GLRA2: variants seen among roughly 807,000 people sequenced by gnomAD.
The protein encoded by GLRA2 is glycine receptor subunit alpha-2.
In GLRA2, 11 loss-of-function variants were observed where a neutral mutation model predicts 31.6. The ratio of observed to expected loss-of-function variants is 0.35; its 90% CI spans 0.22 to 0.58. The LOEUF is 0.58. GLRA2 is among the 20% of genes least tolerant of loss of function. The pLI, the probability that GLRA2 is intolerant of heterozygous loss-of-function variation, is 0.84. For missense variants in GLRA2, 212 were observed against 351.8 expected, an observed-to-expected ratio of 0.60 and a Z score of 3.18; for synonymous variants, 132 against 134.0, an observed-to-expected ratio of 0.99 and a Z score of 0.10.
chrX:14,594,135 C>T lies in GLRA2; in HGVS notation c.495-10180C>T, dbSNP rs973453668. The stretch of plus-strand genomic sequence containing the variant: ...GTTACCACAGTGGAAGTCTTTTTAA[C>T]GCAGCAAAATATCAGCCAGGTAACA... On this transcript the variant is annotated intron_variant, in intron 4 of 8. Coordinates refer to ENST00000218075, the MANE Select transcript of GLRA2 (RefSeq NM_002063.4). Among the ~76,000 whole-genome samples the T allele has an allele frequency of 3.6e-5, 4 of 111,901 alleles. No individual in the cohort carries two copies. In the East Asian group the frequency reaches 8.4e-4, roughly 24 times the overall value.
chrX:14,604,850 A>G (rs1193030446), intron 5 of GLRA2, among the ~76,000 whole-genome samples: 1 of 110,527 alleles, frequency 9.0e-6, no homozygotes, highest in African/African-American at 3.3e-5. Context: ...GCAGGAAGGG[A>G]TAATTGCTTT....
chrX:14,711,272 G>C (rs1416402683), intron 8 of GLRA2, among the ~76,000 whole-genome samples: 1 of 112,293 alleles, frequency 8.9e-6, no homozygotes, highest in Non-Finnish European at 1.9e-5. Flanking sequence ...TTCTCAATCT[G>C]TCCTGTTTGT....
At chrX:14,482,002 C>A in the GLRA2 span, among the ~76,000 whole-genome samples, 2 of 111,444 alleles carry the variant, frequency 1.8e-5, no homozygotes, top group Non-Finnish European at 3.8e-5. Flanking sequence ...CACACAAAAG[C>A]AAGTAGGGCT....
rs192298972 is a variant in GLRA2, at chrX:14,663,514, A to G, written c.931-27196A>G. ...AATCATGCCAAAATTACTAGAAAAG[A>G]TTACACACACACACACACACACACA... On this transcript the variant is annotated intron_variant, in intron 7 of 8. Coordinates refer to ENST00000218075, the MANE Select transcript of GLRA2 (RefSeq NM_002063.4). 4.3e-3 allele frequency among the ~76,000 whole-genome samples: 413 copies of G among 96,206 alleles called. 1 individual carries two copies. The highest frequency in any genetic ancestry group is 0.014 in the African/African-American group (386 of 27,033). 83.5% of individuals were successfully genotyped at this position (96,206 alleles called of 115,157 possible). A position where few individuals can be genotyped will look rare whatever the true frequency, so the allele number is the denominator to read the frequency against.
At chrX:14,704,627 G>A (rs2147218208) in intron 8 of GLRA2, among the ~76,000 whole-genome samples, 1 of 111,926 alleles carries the variant, frequency 8.9e-6, no homozygotes, top group South Asian at 3.7e-4. Flanking sequence ...TGATTGATGA[G>A]GCAGCATCAG....
chrX:14,714,343 C>A (rs2091754117), intron 8 of GLRA2, among the ~76,000 whole-genome samples: 2 of 111,246 alleles, frequency 1.8e-5, no homozygotes, highest in Non-Finnish European at 3.8e-5. Flanking sequence ...GCCATGTAGG[C>A]TGCTAAACAT....
chrX:14,505,971 C>A, the GLRA2 span, among the ~76,000 whole-genome samples: 1 of 111,199 alleles, frequency 9.0e-6, no homozygotes, highest in Non-Finnish European at 1.9e-5. Context: ...ATGCCTTGGC[C>A]ATCTGCAACA....
chrX:14,537,424 T>C (rs760573788), intron 2 of GLRA2, among the ~76,000 whole-genome samples: 1 of 110,924 alleles, frequency 9.0e-6, no homozygotes, highest in African/African-American at 3.3e-5. Flanking sequence ...TCTAGAGAGG[T>C]AAAGCTCAAG....
chrX:14,652,659 C>T (rs1054398739), intron 7 of GLRA2, among the ~76,000 whole-genome samples: 7 of 111,007 alleles, frequency 6.3e-5, no homozygotes, highest in Non-Finnish European at 1.1e-4. Flanking sequence ...GAACCATGCC[C>T]ATATAAGATG....
chrX:14,658,448 T>C (rs2090960714), intron 7 of GLRA2, among the ~76,000 whole-genome samples: 1 of 111,752 alleles, frequency 8.9e-6, no homozygotes, highest in Non-Finnish European at 1.9e-5. Context: ...TGATAATCTT[T>C]CTCTCCCTTT....
chrX:14,457,264 C>T, the GLRA2 span, among the ~76,000 whole-genome samples: 1 of 111,626 alleles, frequency 9.0e-6, no homozygotes, highest in African/African-American at 3.3e-5. Context: ...AGTTTTGTTA[C>T]ACAGGCATAC....
rs1004209130 is a variant in GLRA2, at chrX:14,682,595, C to T, written c.931-8115C>T. Among the ~76,000 whole-genome samples the T allele has an allele frequency of 2.7e-5, 3 of 110,033 alleles. No individual in the cohort carries two copies. The Admixed American group carries it at 2.9e-4, about 11-fold the overall frequency. The stretch of plus-strand genomic sequence containing the variant: ...CTTTAAGTTCTAGGGTACATGTGCA[C>T]AACGTGCAGGTTTGTTACATATGTA... On this transcript the variant is annotated intron_variant, in intron 7 of 8. Transcript: ENST00000218075.
At chrX:14,492,177 TAACTC>T in the GLRA2 span, among the ~76,000 whole-genome samples, 2 of 111,119 alleles carry the variant, frequency 1.8e-5, no homozygotes, top group East Asian at 5.7e-4. Flanking sequence ...GATTTTCAAT[TAACTC>T]AGACAAGTTT....
chrX:14,478,464 A>C, the GLRA2 span, among the ~76,000 whole-genome samples: 5 of 112,089 alleles, frequency 4.5e-5, no homozygotes. Flanking sequence ...CTAGATGAAA[A>C]GTCTTATACA....
intron 7 of GLRA2, among the ~76,000 whole-genome samples, chrX:14,681,488 T>C (rs1020160978): frequency 9.0e-6 from 1 of 111,306 alleles, no homozygotes; most frequent in East Asian, 2.8e-4. Flanking sequence ...CTATGCACTA[T>C]TTGCTAGGTC....
chrX:14,523,805 C>A, the GLRA2 span, among the ~76,000 whole-genome samples: 1 of 111,405 alleles, frequency 9.0e-6, no homozygotes, highest in African/African-American at 3.3e-5. Context: ...CAAACAATTA[C>A]AGTAGTAACA....
chrX:14,495,868 C>T, the GLRA2 span, among the ~76,000 whole-genome samples: 8 of 110,502 alleles, frequency 7.2e-5, no homozygotes, highest in East Asian at 2.0e-3. Flanking sequence ...ACCTCAGGGA[C>T]TTTATGACCA....
chrX:14,682,349 T>C (rs1441481088), intron 7 of GLRA2, among the ~76,000 whole-genome samples: 2 of 111,003 alleles, frequency 1.8e-5, no homozygotes, highest in African/African-American at 6.6e-5. Flanking sequence ...GTACTTCAGA[T>C]TGTTTTAGAC....
intron 8 of GLRA2, among the ~76,000 whole-genome samples, chrX:14,707,512 C>G: frequency 9.1e-6 from 1 of 110,470 alleles, no homozygotes; most frequent in East Asian, 2.9e-4. Context: ...GCATGAATCC[C>G]TTCACCCTGG....
Sources: gnomAD v4.1 joint callset for allele counts (sites outside exome capture counted in the v4.1 genomes callset) on GRCh38, gnomAD v4.1.1 for gene constraint, MANE v1.5 for transcripts, NCBI Gene and HGNC (gene_info 2026-07-23, HGNC 2026-07-21) for gene names.